Variants in HEMK2 observed in about 807,000 individuals in gnomAD.
The protein encoded by HEMK2 is methyltransferase HEMK2.
At chr21:28,605,573 GA>G in the HEMK2 span, among the ~76,000 whole-genome samples, 1 of 151,850 alleles carries the variant, frequency 6.6e-6, no homozygotes, top group African/African-American at 2.4e-5. Flanking sequence ...AATCCATATG[GA>G]AACTTTTGTT....
the HEMK2 span, chr21:28,872,171 G>A: frequency 6.6e-6 from 1 of 152,106 alleles, no homozygotes; most frequent in Non-Finnish European, 1.5e-5. Context: ...GAAAAAATTA[G>A]GCACGCGTAC....
At chr21:28,743,158 T>G in the HEMK2 span, 1 of 152,170 alleles carries the variant, frequency 6.6e-6, no homozygotes, top group East Asian at 1.9e-4. Flanking sequence ...AAAGCCAGTA[T>G]TTTAAGAAGT....
the HEMK2 span, among the ~76,000 whole-genome samples, chr21:28,836,687 T>G: frequency 1.3e-5 from 2 of 152,162 alleles, no homozygotes; most frequent in African/African-American, 4.8e-5. Context: ...GTAAATGATG[T>G]AAATGCTCCA....
chr21:28,816,870 G>C, the HEMK2 span, among the ~76,000 whole-genome samples: 4 of 152,202 alleles, frequency 2.6e-5, no homozygotes, highest in African/African-American at 9.7e-5. Flanking sequence ...GCTCCAGACT[G>C]AAAGCAGAGA....
chr21:28,814,338 T>C, the HEMK2 span, among the ~76,000 whole-genome samples: 1 of 151,498 alleles, frequency 6.6e-6, no homozygotes, highest in South Asian at 2.1e-4. Flanking sequence ...ACTTCATGTC[T>C]AAAACACCAA....
At chr21:28,838,437 G>A in the HEMK2 span, among the ~76,000 whole-genome samples, 1 of 151,932 alleles carries the variant, frequency 6.6e-6, no homozygotes, top group Non-Finnish European at 1.5e-5. Context: ...TGGAGGCTGA[G>A]GCAGGAGAAT....
the HEMK2 span, among the ~76,000 whole-genome samples, chr21:28,754,176 C>A: frequency 1.3e-5 from 2 of 152,204 alleles, no homozygotes; most frequent in East Asian, 1.9e-4. Context: ...GAGTATATAA[C>A]CTCATGAGTC....
the HEMK2 span, among the ~76,000 whole-genome samples, chr21:28,614,969 G>C: frequency 6.6e-6 from 1 of 152,028 alleles, no homozygotes; most frequent in Non-Finnish European, 1.5e-5. Flanking sequence ...CCTAATCTCT[G>C]AACGTTTCTC....
the HEMK2 span, among the ~76,000 whole-genome samples, chr21:28,649,759 G>A: frequency 1.3e-5 from 2 of 152,092 alleles, no homozygotes; most frequent in Non-Finnish European, 1.5e-5. Flanking sequence ...GAGGCCAAGG[G>A]AACAACAAAT....
the HEMK2 span, among the ~76,000 whole-genome samples, chr21:28,756,546 T>A: frequency 6.6e-6 from 1 of 152,156 alleles, no homozygotes; most frequent in East Asian, 1.9e-4. Flanking sequence ...ATTAAATATG[T>A]ATCATTTCAC....
At chr21:28,846,988 A>G in the HEMK2 span, among the ~76,000 whole-genome samples, 1 of 152,168 alleles carries the variant, frequency 6.6e-6, no homozygotes, top group Non-Finnish European at 1.5e-5. Flanking sequence ...ATGGCTGTGT[A>G]GTATTCTGTG....
the HEMK2 span, among the ~76,000 whole-genome samples, chr21:28,824,291 T>C: frequency 3.3e-5 from 5 of 152,192 alleles, no homozygotes; most frequent in African/African-American, 7.2e-5. Flanking sequence ...TTCTAGACTT[T>C]AGGTTCTATC....
At chr21:28,593,278 A>C in the HEMK2 span, among the ~76,000 whole-genome samples, 1 of 152,238 alleles carries the variant, frequency 6.6e-6, no homozygotes, top group Non-Finnish European at 1.5e-5. Context: ...TTTTAGGTTT[A>C]GACTTGGATC....
chr21:28,688,695 C>T, the HEMK2 span, among the ~76,000 whole-genome samples: 459 of 152,020 alleles, frequency 3.0e-3, 3 homozygotes, highest in Non-Finnish European at 3.8e-3. Flanking sequence ...ACTACAGATG[C>T]GTAAAAATTT....
At chr21:28,675,026 C>T in the HEMK2 span, among the ~76,000 whole-genome samples, 20 of 152,234 alleles carry the variant, frequency 1.3e-4, no homozygotes, top group Non-Finnish European at 2.4e-4. Context: ...GATCATAGCA[C>T]CCAGTAACTA....
the HEMK2 span, chr21:28,885,111 T>C: frequency 1.4e-6 from 2 of 1,412,662 alleles, no homozygotes; most frequent in South Asian, 3.2e-5. Context: ...CCCCGCCTGC[T>C]CCGGCTCAGG....
At chr21:28,608,721 G>A in the HEMK2 span, among the ~76,000 whole-genome samples, 5 of 152,198 alleles carry the variant, frequency 3.3e-5, no homozygotes, top group East Asian at 9.6e-4. Flanking sequence ...AGGGCACAGT[G>A]GGAGTGACAC....
the HEMK2 span, among the ~76,000 whole-genome samples, chr21:28,836,177 C>T: frequency 6.6e-6 from 1 of 152,170 alleles, no homozygotes; most frequent in East Asian, 1.9e-4. Context: ...CACCTAGGCA[C>T]ATTGTCATCA....
the HEMK2 span, among the ~76,000 whole-genome samples, chr21:28,606,990 T>C: frequency 0.021 from 3,258 of 152,282 alleles, 118 homozygotes; most frequent in African/African-American, 0.074. Flanking sequence ...CTGACCAGAA[T>C]TCAGTGACCA....
Sources: gnomAD v4.1 joint callset for allele counts (sites outside exome capture counted in the v4.1 genomes callset) on GRCh38, gnomAD v4.1.1 for gene constraint, MANE v1.5 for transcripts, NCBI Gene and HGNC (gene_info 2026-07-23, HGNC 2026-07-21) for gene names.